The following GLRA2 variants were observed in gnomAD, a reference collection of about 807,000 sequenced individuals.
GLRA2 encodes glycine receptor alpha 2.
Under a neutral mutation model 31.6 loss-of-function variants are expected in GLRA2, and 11 were observed. The observed-to-expected ratio is 0.35, with a 90% CI of 0.22 to 0.58. The LOEUF (loss-of-function observed/expected upper bound fraction) is 0.58. Ranked by LOEUF, GLRA2 falls within the 20% of genes least tolerant of loss-of-function variation. The pLI, the probability that GLRA2 is intolerant of heterozygous loss-of-function variation, is 0.84. For synonymous variants in GLRA2, 132 were observed against 134.0 expected (o/e 0.99, Z 0.10); for missense variants, 212 against 351.8 (o/e 0.60, Z 3.18).
chrX:14,451,966 G>A, the GLRA2 span, among the ~76,000 whole-genome samples: 1 of 111,180 alleles, frequency 9.0e-6, no homozygotes, highest in Non-Finnish European at 1.9e-5. Flanking sequence ...AAGAGGAAGA[G>A]CCCAGACGAG....
At chrX:14,556,471 A>T (rs2089644456) in intron 2 of GLRA2, among the ~76,000 whole-genome samples, 1 of 112,083 alleles carries the variant, frequency 8.9e-6, no homozygotes, top group South Asian at 3.7e-4. Context: ...CCCCAATCCC[A>T]AATAGCAAGA....
intron 7 of GLRA2, among the ~76,000 whole-genome samples, chrX:14,665,020 A>C (rs2091025542): frequency 9.0e-6 from 1 of 111,547 alleles, no homozygotes; most frequent in Non-Finnish European, 1.9e-5. Context: ...AGTGTTCATC[A>C]CCAGCATTAC....
the GLRA2 span, among the ~76,000 whole-genome samples, chrX:14,485,829 C>T: frequency 1.8e-5 from 2 of 111,528 alleles, no homozygotes; most frequent in African/African-American, 6.5e-5. Flanking sequence ...AGACATAAGT[C>T]AGATCATGTA....
chrX:14,688,472 T>C (rs2091305156), intron 7 of GLRA2, among the ~76,000 whole-genome samples: 1 of 110,913 alleles, frequency 9.0e-6, no homozygotes, highest in Non-Finnish European at 1.9e-5. Flanking sequence ...CCAGGCCGCT[T>C]TGTTTACCTA....
At chrX:14,712,672 G>A (rs1316146095) in intron 8 of GLRA2, among the ~76,000 whole-genome samples, 2 of 107,012 alleles carry the variant, frequency 1.9e-5, no homozygotes, top group South Asian at 4.4e-4. Flanking sequence ...ATATGAATGT[G>A]GGGGAGTAAC....
the GLRA2 span, among the ~76,000 whole-genome samples, chrX:14,512,387 T>C: frequency 9.0e-6 from 1 of 111,474 alleles, no homozygotes; most frequent in Non-Finnish European, 1.9e-5. Context: ...CTTTCACCAC[T>C]TCTATTCAAC....
chrX:14,598,579 T>C (rs149612282), intron 4 of GLRA2, among the ~76,000 whole-genome samples: 4,236 of 112,311 alleles, frequency 0.038, 85 homozygotes, highest in Non-Finnish European at 0.061. Context: ...TTTGTTTTAT[T>C]TCTAGTGAGA....
intron 2 of GLRA2, among the ~76,000 whole-genome samples, chrX:14,552,617 T>C (rs1231723225): frequency 8.9e-6 from 1 of 111,837 alleles, no homozygotes; most frequent in Admixed American, 9.4e-5. Context: ...CGTTTGCAAA[T>C]ATACAGGTCA....
At chrX:14,496,642 A>G in the GLRA2 span, among the ~76,000 whole-genome samples, 8 of 112,096 alleles carry the variant, frequency 7.1e-5, no homozygotes, top group Middle Eastern at 4.6e-3. Flanking sequence ...AAAGGTTCAA[A>G]CTGTTTTCTA....
At chrX:14,713,959 C>T (rs979775205) in intron 8 of GLRA2, among the ~76,000 whole-genome samples, 4 of 111,108 alleles carry the variant, frequency 3.6e-5, no homozygotes, top group African/African-American at 1.3e-4. Context: ...GCCAGCAGAC[C>T]ATGTAGATGA....
chrX:14,619,862 A>G (rs1223381665), intron 7 of GLRA2, among the ~76,000 whole-genome samples: 1 of 110,722 alleles, frequency 9.0e-6, no homozygotes, highest in Non-Finnish European at 1.9e-5. Flanking sequence ...AGCTCACAGT[A>G]TATTCTCAAT....
At chrX:14,512,617 T>C in the GLRA2 span, among the ~76,000 whole-genome samples, 1 of 111,747 alleles carries the variant, frequency 8.9e-6, no homozygotes, top group Non-Finnish European at 1.9e-5. Flanking sequence ...AACTCTGCTA[T>C]ACACCAACAG....
At chrX:14,593,313 G>A (rs3027367) in intron 4 of GLRA2, among the ~76,000 whole-genome samples, 2 of 112,080 alleles carry the variant, frequency 1.8e-5, no homozygotes, top group East Asian at 5.6e-4. Flanking sequence ...AAGAGGATAC[G>A]ATATTTATCA....
intron 7 of GLRA2, among the ~76,000 whole-genome samples, chrX:14,685,747 T>A (rs972263650): frequency 5.4e-5 from 6 of 111,747 alleles, no homozygotes; most frequent in African/African-American, 2.0e-4. Flanking sequence ...ATTTTGTTGA[T>A]CATTTCAAAA....
chrX:14,722,859 T>C (rs2091882564), intron 8 of GLRA2, among the ~76,000 whole-genome samples: 2 of 112,545 alleles, frequency 1.8e-5, no homozygotes, highest in African/African-American at 6.5e-5. Context: ...TGCAGAATGA[T>C]ACTTATAATT....
At position 14,703,782 on chromosome X, in the gene GLRA2, CCCTTGGTAAGT is replaced by C. The variant is rs1260132778; in HGVS notation, c.1080+12925_1080+12935del. Among the ~76,000 whole-genome samples, 4 of 111,774 alleles carry C rather than the reference CCCTTGGTAAGT, an allele frequency of 3.6e-5. No homozygotes were observed. In the South Asian group the frequency reaches 1.1e-3, roughly 32 times the overall value. On this transcript the variant is annotated intron_variant, in intron 8 of 8. Transcript: ENST00000218075. ...GTGGCCAAATACCAAGCTTCCTCAA[CCCTTGGTAAGT>C]CAAGTCTCAGTCTCTCAGAGGTTTG...
intron 8 of GLRA2, among the ~76,000 whole-genome samples, chrX:14,711,350 A>G (rs749422963): frequency 1.2e-3 from 133 of 112,468 alleles, no homozygotes; most frequent in Non-Finnish European, 2.3e-3. Context: ...TGGAATATCA[A>G]TGAGATTCTC....
intron 8 of GLRA2, among the ~76,000 whole-genome samples, chrX:14,706,983 A>C (rs1240432165): frequency 2.7e-5 from 3 of 111,138 alleles, no homozygotes; most frequent in Non-Finnish European, 5.7e-5. Context: ...GAATCATTGA[A>C]TGTTCTTTCA....
At chrX:14,681,017 A>G (rs957361907) in intron 7 of GLRA2, among the ~76,000 whole-genome samples, 3 of 112,241 alleles carry the variant, frequency 2.7e-5, no homozygotes, top group African/African-American at 9.7e-5. Flanking sequence ...ATATAACTGG[A>G]AATGCTGTGA....
Sources: allele counts gnomAD v4.1 joint callset (sites outside exome capture counted in the v4.1 genomes callset), GRCh38; gene constraint gnomAD v4.1.1; transcripts MANE v1.5; gene names NCBI Gene and HGNC (gene_info 2026-07-23, HGNC 2026-07-21).